SLC4A7: variants seen among roughly 807,000 people sequenced by gnomAD.
The protein encoded by SLC4A7 is sodium bicarbonate cotransporter 3.
In SLC4A7, 51 loss-of-function variants were observed where a neutral mutation model predicts 137.6. The observed-to-expected ratio is 0.37, with a 90% confidence interval of 0.30 to 0.47. SLC4A7 has a LOEUF of 0.47. Among genes scored for constraint, SLC4A7 ranks in the 20% least tolerant of loss-of-function variants. The probability of loss-of-function intolerance (pLI) is 1.00; values close to 1 mark genes in which losing one functional copy is unlikely to be tolerated. For missense variants in SLC4A7, 1,247 were observed against 1,525.4 expected, an observed-to-expected ratio of 0.82 and a Z score of 3.04; for synonymous variants, 542 against 518.6, an observed-to-expected ratio of 1.05 and a Z score of -0.61.
Position 27,411,958 on chromosome 3 carries a change from T to A in SLC4A7, c.1660-210A>T, listed in dbSNP as rs557793032. ...GTCAGTTTCTATTAATATTTTAAAT[T>A]TGCAATTAGCTTTTTGCATCTTATG... is the stretch of plus-strand genomic sequence containing the variant. On this transcript the variant is annotated intron_variant, in intron 11 of 25. Coordinates refer to ENST00000454389, the MANE Select transcript of SLC4A7 (RefSeq NM_001321103.2). Among the ~76,000 whole-genome samples, 39 of 152,272 alleles carry A rather than the reference T, an allele frequency of 2.6e-4. No individual in the cohort carries two copies. The Middle Eastern group carries it at 0.01, about 40-fold the overall frequency.
rs188664751 is a variant in SLC4A7 at position 27,471,919 on chromosome 3, T to C, written c.60+12148A>G. 2.8e-4 allele frequency among the ~76,000 whole-genome samples: 42 copies of C among 152,328 alleles called. No homozygotes were observed. The East Asian group carries it at 6.9e-3, about 25-fold the overall frequency. The stretch of plus-strand genomic sequence containing the variant: ...TTATATGCCATTCCTGTGAGGCCGA[T>C]TGAAAAAGCTGAAAATATTATCATT... On this transcript the variant is annotated intron_variant, in intron 1 of 25. Coordinates refer to ENST00000454389, the MANE Select transcript of SLC4A7 (RefSeq NM_001321103.2).
rs142812818 is a variant in SLC4A7, at chr3:27,386,010, A to C, written c.3374T>G (p.Val1125Gly). 1 of 1,605,202 alleles carries C rather than the reference A, an allele frequency of 6.2e-7. No individual in the cohort carries two copies. Among genetic ancestry groups the C allele is most frequent in the Non-Finnish European group, 8.5e-7 (1 of 1,176,974 alleles). The change falls in exon 23 of 26, where the codon GTG becomes GGG. Residue 1125 changes from valine (V) to glycine (G), a missense_variant. By Grantham distance (109) the Val-to-Gly change is moderately radical. Around this residue, in one of 6 missense-constraint regions of SLC4A7, gnomAD observed 290 missense variants for 323.8 expected, o/e 0.90. Coordinates refer to ENST00000454389, the MANE Select transcript of SLC4A7 (RefSeq NM_001321103.2). ...CAGGTCCATGAGTTTGCGCACAAAC[A>C]CTAATGCAAGAACCTTTAAAAAGTG... ...VVFPMMVLAL[V>G]FVRKLMDLCF... is the part of the protein sequence containing the mutation.
At chr3:27,446,576 T>C (rs541421281) in intron 3 of SLC4A7, among the ~76,000 whole-genome samples, 7 of 152,256 alleles carry the variant, frequency 4.6e-5, no homozygotes, top group Admixed American at 2.6e-4. Context: ...TAAACAATAT[T>C]TCTGTCCATA....
chr3:27,405,009 A>G, intron 13 of SLC4A7, 46 bp from the exon 14 acceptor site: 1 of 1,423,724 alleles, frequency 7.0e-7, no homozygotes, highest in Non-Finnish European at 9.5e-7. Flanking sequence ...CATCATAAAC[A>G]TTTCTCTAAC....
At chr3:27,433,872 C>G in intron 6 of SLC4A7, 44 bp downstream of exon 6, 1 of 1,522,816 alleles carries the variant, frequency 6.6e-7, no homozygotes, top group Non-Finnish European at 9.1e-7. Flanking sequence ...AAAGCTGTTA[C>G]AGTAGAAGTG....
intron 3 of SLC4A7, among the ~76,000 whole-genome samples, chr3:27,443,856 A>G (rs2057399303): frequency 6.6e-6 from 1 of 152,188 alleles, no homozygotes; most frequent in African/African-American, 2.4e-5. Flanking sequence ...TCCTTAACCC[A>G]TGATTATTGA....
Position 27,484,155 on chromosome 3 carries a change from T to C in SLC4A7, c.-29A>G, listed in dbSNP as rs1280082171. Reference sequence around the variant, plus strand: ...CGGCCGGCCAGCCCGTGACGGCCGCTACGGTACTGCCCCGCGCGGTCTGCC... The same window carrying C: ...CGGCCGGCCAGCCCGTGACGGCCGCCACGGTACTGCCCCGCGCGGTCTGCC... On this transcript the variant is annotated 5_prime_UTR_variant, in exon 1 of 26. Transcript: ENST00000454389. 3 of 1,343,844 alleles carry C rather than the reference T, an allele frequency of 2.2e-6. No homozygotes were observed. In the African/African-American group the frequency reaches 4.6e-5, roughly 20 times the overall value. The allele number at this position is 1,343,844 out of a possible 1,614,324, so 83.2% of individuals were successfully genotyped here. A position where few individuals can be genotyped will look rare whatever the true frequency, so the allele number is the denominator to read the frequency against.
chr3:27,408,448 T>G (rs1494418), intron 13 of SLC4A7, among the ~76,000 whole-genome samples: 23,932 of 152,206 alleles, frequency 0.16, 2,115 homozygotes, highest in African/African-American at 0.25. Context: ...TTTTACATAA[T>G]CCAAAATAAA....
At chr3:27,454,098 C>G (rs1490787075) in intron 1 of SLC4A7, among the ~76,000 whole-genome samples, 1 of 152,096 alleles carries the variant, frequency 6.6e-6, no homozygotes, top group Admixed American at 6.6e-5. Flanking sequence ...ATCACTTAAG[C>G]TAGGAGTTTG....
rs1432525374 is a variant in SLC4A7 at position 27,403,202 on chromosome 3, A to G, written c.2258T>C (p.Phe753Ser). The G allele has an allele frequency of 1.2e-6, 2 of 1,613,800 alleles. No individual in the cohort carries two copies. The highest frequency in any genetic ancestry group is 2.7e-5 in the African/African-American group (2 of 74,910). ...IFIYEALEKL[F>S]DLGETYAFNM... is the part of the protein sequence containing the mutation. ...AAATGCATATGTTTCTCCTAAATCA[A>G]AGAGCTTCTCCAAAGCCTCGTAGAT... Residue 753 changes from phenylalanine to serine, a missense_variant, in exon 15 of 26, where the codon TTT becomes TCT. Physicochemically the swap from Phe to Ser is radical, Grantham distance 155. Around this residue, in one of 6 missense-constraint regions of SLC4A7, gnomAD observed 499 missense variants for 664.2 expected, o/e 0.75. Transcript: ENST00000454389.
chr3:27,468,366 A>T (rs2059095377), intron 1 of SLC4A7, among the ~76,000 whole-genome samples: 1 of 152,242 alleles, frequency 6.6e-6, no homozygotes, highest in Non-Finnish European at 1.5e-5. Flanking sequence ...AAAACTGTAC[A>T]TAAACATATG....
chr3:27,433,772 T>A, intron 6 of SLC4A7, 144 bp downstream of exon 6: 1 of 654,546 alleles, frequency 1.5e-6, no homozygotes, highest in Non-Finnish European at 2.6e-6. Context: ...CAAGAGGCCT[T>A]GAAAAGAAAC....
intron 3 of SLC4A7, among the ~76,000 whole-genome samples, chr3:27,443,013 TTC>T (rs2057321500): frequency 6.8e-6 from 1 of 147,488 alleles, no homozygotes; most frequent in Admixed American, 6.9e-5. Context: ...GCGCTGGGCA[TTC>T]TCTTTTTTCT....
At chr3:27,387,976 GTCTT>G (rs892582295) in intron 22 of SLC4A7, among the ~76,000 whole-genome samples, 10 of 152,080 alleles carry the variant, frequency 6.6e-5, no homozygotes, top group African/African-American at 2.2e-4. Context: ...CTTTAAAGGG[GTCTT>G]TCTTTTAAAA....
intron 7 of SLC4A7, among the ~76,000 whole-genome samples, chr3:27,426,263 C>T (rs574854239): frequency 3.3e-5 from 5 of 152,186 alleles, no homozygotes; most frequent in South Asian, 2.1e-4. Context: ...GAAATACAAA[C>T]GATTTCCCAA....
At chr3:27,441,603 C>T (rs1021133859) in intron 3 of SLC4A7, among the ~76,000 whole-genome samples, 6 of 152,122 alleles carry the variant, frequency 3.9e-5, no homozygotes, top group African/African-American at 1.4e-4. Flanking sequence ...AGGGATCAAT[C>T]CACCTCAGCC....
intron 10 of SLC4A7, among the ~76,000 whole-genome samples, chr3:27,419,310 T>C (rs1156663322): frequency 6.6e-6 from 1 of 151,930 alleles, no homozygotes; most frequent in Admixed American, 6.6e-5. Flanking sequence ...GGCTCATGCC[T>C]GTAATTCCCG....
At chr3:27,394,016 T>C (rs2051873200) in intron 20 of SLC4A7, among the ~76,000 whole-genome samples, 1 of 152,016 alleles carries the variant, frequency 6.6e-6, no homozygotes, top group Non-Finnish European at 1.5e-5. Flanking sequence ...ATTTGCCATA[T>C]TATAATTTTT....
At chr3:27,447,671 T>C (rs2057766143) in intron 3 of SLC4A7, among the ~76,000 whole-genome samples, 1 of 148,910 alleles carries the variant, frequency 6.7e-6, no homozygotes, top group Admixed American at 6.7e-5. Flanking sequence ...TTTGGCTCTT[T>C]CCTTTCCCAC....
Sources: allele counts gnomAD v4.1 joint callset (sites outside exome capture counted in the v4.1 genomes callset), GRCh38; gene constraint gnomAD v4.1.1; regional missense constraint gnomAD v4.1.1; transcripts MANE v1.5; gene names NCBI Gene and HGNC (gene_info 2026-07-23, HGNC 2026-07-21).